Variants in ADARB1 observed in about 807,000 individuals in gnomAD.
ADARB1 encodes adenosine deaminase RNA specific B1, also known as double-stranded RNA-specific editase 1.
In ADARB1, 10 loss-of-function variants were observed where a neutral mutation model predicts 52.4. The ratio of observed to expected loss-of-function variants is 0.19; its 90% CI spans 0.12 to 0.32. ADARB1 has a LOEUF of 0.32. ADARB1 is among the 10% of genes least tolerant of loss of function. The pLI is 1.00. For missense variants in ADARB1, 643 were observed against 922.3 expected (o/e 0.70, Z 3.92); for synonymous variants, 349 against 371.1 (o/e 0.94, Z 0.68).
chr21:45,191,868 ATATATATATATATTT>A (rs2092296297), intron 8 of ADARB1, among the ~76,000 whole-genome samples: 1 of 76,238 alleles, frequency 1.3e-5, no homozygotes, highest in African/African-American at 6.8e-5. Flanking sequence ...ATATATATAT[ATATATATATATATTT>A]TTTTTTTTTT....
chr21:45,107,077 A>G (rs2087291392), intron 1 of ADARB1, among the ~76,000 whole-genome samples: 1 of 152,252 alleles, frequency 6.6e-6, no homozygotes, highest in Non-Finnish European at 1.5e-5. Flanking sequence ...AATGTTATTC[A>G]TATATACAAA....
chr21:45,100,368 A>G (rs2086947690), intron 1 of ADARB1: 1 of 152,216 alleles, frequency 6.6e-6, no homozygotes, highest in Non-Finnish European at 1.5e-5. Context: ...TGAACACCAG[A>G]GCAGCAGTGC....
At chr21:45,165,647 G>A (rs1030147516) in intron 2 of ADARB1, among the ~76,000 whole-genome samples, 42 of 152,088 alleles carry the variant, frequency 2.8e-4, no homozygotes, top group African/African-American at 9.7e-4. Flanking sequence ...TGCATGATTC[G>A]CTTGTTGAGT....
intron 1 of ADARB1, among the ~76,000 whole-genome samples, chr21:45,124,145 A>G (rs1460645009): frequency 2.0e-5 from 3 of 152,220 alleles, no homozygotes; most frequent in African/African-American, 7.2e-5. Flanking sequence ...ATCGCTTTAA[A>G]AAATATTATT....
intron 1 of ADARB1, among the ~76,000 whole-genome samples, chr21:45,106,878 C>T (rs1302171669): frequency 2.6e-5 from 4 of 152,024 alleles, no homozygotes; most frequent in Non-Finnish European, 5.9e-5. Flanking sequence ...GCACAAAGCA[C>T]AGATGTGCAG....
At chr21:45,180,536 C>T in intron 5 of ADARB1, 92 bp downstream of exon 5, 10 of 1,016,992 alleles carry the variant, frequency 9.8e-6, no homozygotes, top group South Asian at 5.5e-5. Flanking sequence ...TGTGCCACAC[C>T]GACGGGAGAT....
At chr21:45,112,224 T>C (rs2087573821) in intron 1 of ADARB1, among the ~76,000 whole-genome samples, 1 of 152,194 alleles carries the variant, frequency 6.6e-6, no homozygotes, top group South Asian at 2.1e-4. Flanking sequence ...CTTGCCTACA[T>C]CCTTCTTCAA....
chr21:45,153,654 T>G (rs1347901621), intron 2 of ADARB1, among the ~76,000 whole-genome samples: 1 of 152,224 alleles, frequency 6.6e-6, no homozygotes, highest in African/African-American at 2.4e-5. Context: ...TAATAGTACC[T>G]TGTAATATAA....
At chr21:45,112,813 A>G (rs1036127354) in intron 1 of ADARB1, among the ~76,000 whole-genome samples, 2 of 152,086 alleles carry the variant, frequency 1.3e-5, no homozygotes, top group African/African-American at 4.8e-5. Flanking sequence ...ATAACGAGGA[A>G]GTTCTGGGGA....
At chr21:45,081,002 G>A (rs1469061100) in intron 1 of ADARB1, among the ~76,000 whole-genome samples, 1 of 152,192 alleles carries the variant, frequency 6.6e-6, no homozygotes, top group Non-Finnish European at 1.5e-5. Context: ...TTTCAGGTTT[G>A]GAGTTTCAGA....
At chr21:45,214,392 T>A (rs1388231127) in intron 9 of ADARB1, among the ~76,000 whole-genome samples, 6 of 152,216 alleles carry the variant, frequency 3.9e-5, no homozygotes, top group Admixed American at 1.3e-4. Context: ...TTTGACAAAA[T>A]CTAATTTATA....
intron 1 of ADARB1, among the ~76,000 whole-genome samples, chr21:45,109,317 C>T (rs530611267): frequency 9.4e-4 from 143 of 152,234 alleles, no homozygotes; most frequent in East Asian, 1.2e-3. Context: ...CGTGTGTGCG[C>T]GCGTGTGCGT....
At chr21:45,184,866 A>G (rs1265524382) in intron 7 of ADARB1, 57 bp from the exon 8 acceptor site, 2 of 1,507,288 alleles carry the variant, frequency 1.3e-6, no homozygotes, top group East Asian at 2.3e-5. Context: ...TGTGCTTTTC[A>G]ATAAATCAAA....
chr21:45,192,512 G>A (rs998538559), intron 8 of ADARB1, among the ~76,000 whole-genome samples: 2 of 152,068 alleles, frequency 1.3e-5, no homozygotes, highest in Non-Finnish European at 2.9e-5. Context: ...AGCCTTAATT[G>A]GCCTGACAAC....
intron 1 of ADARB1, among the ~76,000 whole-genome samples, chr21:45,106,230 G>A (rs1478213290): frequency 1.3e-5 from 2 of 148,702 alleles, no homozygotes; most frequent in African/African-American, 5.0e-5. Context: ...ACTTGGCTAT[G>A]TTGCCTGCTG....
intron 2 of ADARB1, among the ~76,000 whole-genome samples, chr21:45,153,347 T>TA (rs1212025154): frequency 2.6e-5 from 4 of 151,668 alleles, no homozygotes. Context: ...TGATGTTTTT[T>TA]TTTTCTCTTT....
chr21:45,178,939 G>T (rs189328021), intron 4 of ADARB1, among the ~76,000 whole-genome samples: 1 of 152,302 alleles, frequency 6.6e-6, no homozygotes, highest in East Asian at 1.9e-4. Flanking sequence ...AACTCACTCT[G>T]AAGTTAAAGT....
chr21:45,199,480 G>A (rs1056556328), intron 8 of ADARB1, among the ~76,000 whole-genome samples: 3 of 152,222 alleles, frequency 2.0e-5, no homozygotes, highest in Non-Finnish European at 4.4e-5. Flanking sequence ...TGTGCTAGAC[G>A]TGGTGCTCGC....
At chr21:45,218,263 G>A (rs896415473) in intron 9 of ADARB1, among the ~76,000 whole-genome samples, 3 of 151,794 alleles carry the variant, frequency 2.0e-5, no homozygotes, top group African/African-American at 7.3e-5. Context: ...TTCATTTTTG[G>A]TAGTTTCTGT....
Sources: gnomAD v4.1 joint callset for allele counts (sites outside exome capture counted in the v4.1 genomes callset) on GRCh38, gnomAD v4.1.1 for gene constraint, MANE v1.5 for transcripts, NCBI Gene and HGNC (gene_info 2026-07-23, HGNC 2026-07-21) for gene names.